HSD17B11: variants seen among roughly 807,000 people sequenced by gnomAD.
The protein encoded by HSD17B11 is hydroxysteroid 17-beta dehydrogenase 11.
Under a neutral mutation model 27.8 loss-of-function variants are expected in HSD17B11, and 22 were observed. That is an observed-to-expected ratio of 0.79 (90% CI 0.56 to 1.13). The LOEUF (loss-of-function observed/expected upper bound fraction) is 1.13. HSD17B11 is among the 50% of genes most tolerant of loss of function. HSD17B11 has a pLI of 0.00. For synonymous variants in HSD17B11, 117 were observed against 132.8 expected, an observed-to-expected ratio of 0.88 and a Z score of 0.82; for missense variants, 314 against 351.1, an observed-to-expected ratio of 0.89 and a Z score of 0.84.
At chr4:87,390,047 C>A (rs182759591) in intron 1 of HSD17B11, among the ~76,000 whole-genome samples, 2 of 152,302 alleles carry the variant, frequency 1.3e-5, no homozygotes, top group East Asian at 3.9e-4. Flanking sequence ...GCAGTCTCCA[C>A]CTCCCAGGCT....
intron 5 of HSD17B11, chr4:87,345,083 GTGAGAC>G (rs1365453187): frequency 2.6e-5 from 4 of 152,180 alleles, no homozygotes; most frequent in African/African-American, 9.7e-5. Flanking sequence ...GGACAACAGA[GTGAGAC>G]CCTGTCTCTA....
At chr4:87,378,895 A>ATATATTTATATAT (rs1720024843) in intron 2 of HSD17B11, among the ~76,000 whole-genome samples, 3 of 8,402 alleles carry the variant, frequency 3.6e-4, no homozygotes, top group Non-Finnish European at 5.4e-4. Context: ...TATATATATA[A>ATATATTTATATAT]ATATATATAA....
At chr4:87,355,898 T>C (rs1198160707) in intron 5 of HSD17B11, among the ~76,000 whole-genome samples, 1 of 146,944 alleles carries the variant, frequency 6.8e-6, no homozygotes, top group Non-Finnish European at 1.5e-5. Context: ...AGTGAAACCC[T>C]GTCTCAAAAA....
At chr4:87,339,373 G>A (rs59476561) in intron 6 of HSD17B11, among the ~76,000 whole-genome samples, 9,103 of 152,190 alleles carry the variant, frequency 0.06, 874 homozygotes, top group African/African-American at 0.21. Flanking sequence ...TTTGCTCTTC[G>A]CATCAGTAAT....
intron 6 of HSD17B11, among the ~76,000 whole-genome samples, chr4:87,338,638 C>T (rs970127825): frequency 6.6e-6 from 1 of 152,140 alleles, no homozygotes; most frequent in African/African-American, 2.4e-5. Flanking sequence ...TGAGCTCAAG[C>T]AATTCTCCCA....
At chr4:87,376,579 A>AAATACATATGTGTGTTTTTCT (rs1337057864) in intron 2 of HSD17B11, among the ~76,000 whole-genome samples, 4 of 151,986 alleles carry the variant, frequency 2.6e-5, no homozygotes. Flanking sequence ...AATAATATTA[A>AAATACATATGTGTGTTTTTCT]AATACATATG....
At chr4:87,355,601 A>G (rs1331135150) in intron 5 of HSD17B11, among the ~76,000 whole-genome samples, 2 of 152,116 alleles carry the variant, frequency 1.3e-5, no homozygotes, top group African/African-American at 4.8e-5. Flanking sequence ...CTTATGTATT[A>G]ATTAAAAATC....
chr4:87,383,156 G>C (rs1720217834), intron 1 of HSD17B11, among the ~76,000 whole-genome samples: 1 of 152,136 alleles, frequency 6.6e-6, no homozygotes, highest in Admixed American at 6.5e-5. Flanking sequence ...TAGGAGATTG[G>C]TCTTGTGGAA....
At chr4:87,354,180 C>G (rs1735337118) in intron 5 of HSD17B11, among the ~76,000 whole-genome samples, 1 of 152,122 alleles carries the variant, frequency 6.6e-6, no homozygotes, top group African/African-American at 2.4e-5. Context: ...CGTTGGCTTT[C>G]TGTTCTGCTT....
In HSD17B11 at chr4:87,378,882, AT is replaced by A. The variant is rs1720019824; in HGVS notation, c.318+3372del. On this transcript the variant is annotated intron_variant, in intron 2 of 6. Coordinates refer to ENST00000358290, the MANE Select transcript of HSD17B11 (RefSeq NM_016245.5). ...AATATATATAAATATATATATATAA[AT>A]ATATATATATAAATATATATAAATA... Among the ~76,000 whole-genome samples the A allele has an allele frequency of 1.7e-4, 2 of 12,036 alleles. 1 individual carries two copies. Among genetic ancestry groups the A allele is most frequent in the Non-Finnish European group, 2.6e-4 (2 of 7,840 alleles). 7.9% of individuals were successfully genotyped at this position (12,036 alleles called of 152,430 possible). A position where few individuals can be genotyped will look rare whatever the true frequency, so the allele number is the denominator to read the frequency against.
intron 1 of HSD17B11, among the ~76,000 whole-genome samples, chr4:87,383,698 TTTG>T (rs1053179860): frequency 3.9e-4 from 59 of 151,958 alleles, no homozygotes; most frequent in South Asian, 1.5e-3. Context: ...ATTGGGGTTT[TTTG>T]TTGTTGTTGT....
At chr4:87,380,514 G>T (rs1720124678) in intron 2 of HSD17B11, among the ~76,000 whole-genome samples, 1 of 145,504 alleles carries the variant, frequency 6.9e-6, no homozygotes. Flanking sequence ...AAGAGAAAAA[G>T]AAAAAAAGTT....
intron 2 of HSD17B11, among the ~76,000 whole-genome samples, chr4:87,380,863 CAAAAAAAAAA>C (rs561938045): frequency 6.7e-5 from 5 of 74,704 alleles, no homozygotes; most frequent in African/African-American, 1.6e-4. Flanking sequence ...GACTCTATCT[CAAAAAAAAAA>C]AAAAAAAAAA....
At chr4:87,384,850 T>C (rs965704334) in intron 1 of HSD17B11, among the ~76,000 whole-genome samples, 5 of 152,062 alleles carry the variant, frequency 3.3e-5, no homozygotes, top group African/African-American at 1.2e-4. Flanking sequence ...TCTTTGTACC[T>C]ACTCCCTGTT....
chr4:87,363,195 C>T (rs1216102633), intron 4 of HSD17B11, among the ~76,000 whole-genome samples: 1 of 152,112 alleles, frequency 6.6e-6, no homozygotes, highest in Non-Finnish European at 1.5e-5. Flanking sequence ...ATCACTAGGG[C>T]TGCTCAGGGA....
rs57139706 is a variant in HSD17B11 at position 87,357,949 on chromosome 4, A to ATTTTTTTTTTTTTTTTT, written c.558-550_558-534dup. Among the ~76,000 whole-genome samples, 42 of 80,236 alleles carry ATTTTTTTTTTTTTTTTT rather than the reference A, an allele frequency of 5.2e-4. 6 individuals are homozygous for ATTTTTTTTTTTTTTTTT. Among genetic ancestry groups the ATTTTTTTTTTTTTTTTT allele is most frequent in the Non-Finnish European group, 7.3e-4 (30 of 41,332 alleles). The allele number at this position is 80,236 out of a possible 152,430, so 52.6% of individuals were successfully genotyped here. On this transcript the variant is annotated intron_variant, in intron 4 of 6. Coordinates refer to ENST00000358290, the MANE Select transcript of HSD17B11 (RefSeq NM_016245.5). ...TTGTAACTGAACATTCATTAGAGAA[A>ATTTTTTTTTTTTTTTTT]TTTTTTTTTTTTTTTTTTTTTTTTT...
At chr4:87,356,078 G>A (rs992871566) in intron 5 of HSD17B11, among the ~76,000 whole-genome samples, 3 of 152,114 alleles carry the variant, frequency 2.0e-5, no homozygotes, top group Non-Finnish European at 4.4e-5. Flanking sequence ...ATGATTCTTC[G>A]CGTACTGGAT....
chr4:87,356,047 GTCA>G (rs1285728452), intron 5 of HSD17B11, among the ~76,000 whole-genome samples: 3 of 152,192 alleles, frequency 2.0e-5, no homozygotes, highest in African/African-American at 7.2e-5. Context: ...AATGTAGCTA[GTCA>G]TCAGGGTAAA....
At chr4:87,370,720 ATATTATTATTAT>A (rs1165770162) in intron 4 of HSD17B11, among the ~76,000 whole-genome samples, 22 of 75,390 alleles carry the variant, frequency 2.9e-4, no homozygotes, top group South Asian at 7.7e-4. Context: ...CCTGGCCTAG[ATATTATTATTAT>A]TATTATTATT....
Sources: gnomAD v4.1 joint callset for allele counts (sites outside exome capture counted in the v4.1 genomes callset) on GRCh38, gnomAD v4.1.1 for gene constraint, MANE v1.5 for transcripts, NCBI Gene and HGNC (gene_info 2026-07-23, HGNC 2026-07-21) for gene names.